TTC8: variants seen among roughly 807,000 people sequenced by gnomAD.
The protein encoded by TTC8 is tetratricopeptide repeat domain 8, also known as tetratricopeptide repeat protein 8.
In TTC8, 47 loss-of-function variants were observed where a neutral mutation model predicts 72.5. That is an observed-to-expected ratio of 0.65 (90% CI 0.51 to 0.83). The LOEUF (loss-of-function observed/expected upper bound fraction) is 0.83, where lower values mean the gene tolerates loss of function less well. TTC8 is among the 40% of genes least tolerant of loss of function. TTC8 has a pLI of 0.00. For synonymous variants in TTC8, 199 were observed against 221.4 expected (o/e 0.90, Z 0.90); for missense variants, 611 against 623.2 (o/e 0.98, Z 0.21).
At chr14:88,825,071 C>T (rs1023508690) in intron 1 of TTC8, among the ~76,000 whole-genome samples, 1 of 152,232 alleles carries the variant, frequency 6.6e-6, no homozygotes, top group Admixed American at 6.5e-5. Context: ...CTCCCCTCCC[C>T]TATACGTGTC....
Position 88,846,647 on chromosome 14 carries a change from T to C in TTC8, c.624+2797T>C, listed in dbSNP as rs773667884. 6 of 1,463,186 alleles carry C rather than the reference T, an allele frequency of 4.1e-6. No homozygotes were observed. Among genetic ancestry groups the C allele is most frequent in the Non-Finnish European group, 5.5e-6 (6 of 1,082,920 alleles). 90.6% of individuals were successfully genotyped at this position (1,463,186 alleles called of 1,614,324 possible). A position where few individuals can be genotyped will look rare whatever the true frequency, so the allele number is the denominator to read the frequency against. ...CATCTTGGAATTTACCCATTCTTAT[T>C]GAGGAATAAAAATCACATTGAAAAA... is the stretch of plus-strand genomic sequence containing the variant. On this transcript the variant is annotated intron_variant, in intron 7 of 14. Transcript: ENST00000380656.
chr14:88,833,780 A>C (rs1298936951), intron 2 of TTC8, 58 bp downstream of exon 2: 3 of 1,517,704 alleles, frequency 2.0e-6, no homozygotes, highest in Non-Finnish European at 2.7e-6. Context: ...GCTATTGCTT[A>C]GTTGTTGCTA....
At position 88,875,095 on chromosome 14, in the gene TTC8, A is replaced by G. The variant is rs376411291; in HGVS notation, c.1417A>G (p.Thr473Ala). 1.0e-4 allele frequency: 169 copies of G among 1,611,764 alleles called. 1 individual carries two copies. The highest frequency in any genetic ancestry group is 6.2e-4 in the Admixed American group (37 of 59,974). The stretch of plus-strand genomic sequence containing the variant: ...GTATGAACCGCATTTTAATTTTGCA[A>G]CAATCTCTGATAAGGTATTCTCTTT... ...HMYEPHFNFA[T>A]ISDKIGDLQR... The change falls in exon 14 of 15, where the codon ACA becomes GCA. Residue 473 changes from threonine (T) to alanine (A), a missense_variant. Physicochemically the swap from Thr to Ala is moderately conservative, Grantham distance 58. Coordinates refer to ENST00000380656, the MANE Select transcript of TTC8 (RefSeq NM_144596.4).
At position 88,877,281 on chromosome 14, in the gene TTC8, G is replaced by GT; in HGVS notation, c.1432-12dup. 6.2e-7 allele frequency: 1 copy of GT among 1,604,816 alleles called. No individual in the cohort carries two copies. The highest frequency in any genetic ancestry group is 8.5e-7 in the Non-Finnish European group (1 of 1,172,278). On this transcript the variant is annotated splice_polypyrimidine_tract_variant and intron_variant, in intron 14 of 14. Coordinates refer to ENST00000380656, the MANE Select transcript of TTC8 (RefSeq NM_144596.4). ...GATCTCATTCCATGGTCTTATTCTT[G>GT]TATTTTTTGCAGATTGGAGATCTGC... is the stretch of plus-strand genomic sequence containing the variant.
chr14:88,855,626 A>G (rs1411977228), intron 8 of TTC8, among the ~76,000 whole-genome samples: 2 of 152,176 alleles, frequency 1.3e-5, no homozygotes, highest in Non-Finnish European at 1.5e-5. Flanking sequence ...TTTTAAAATA[A>G]TCTATTTCTG....
In TTC8 at chr14:88,852,974, T is replaced by G; in HGVS notation, c.628T>G (p.Leu210Val). The change falls in exon 8 of 15, where the codon TTG (leucine) becomes GTG (valine). Residue 210 changes from leucine (L) to valine (V), a missense_variant. Physicochemically the swap from Leu to Val is conservative, Grantham distance 32 (BLOSUM62 1). Coordinates refer to ENST00000380656, the MANE Select transcript of TTC8 (RefSeq NM_144596.4). Reference protein sequence around the residue: ...FHHENDVKTALDLAALSTEHS... With the variant: ...FHHENDVKTAVDLAALSTEHS... Reference sequence around the variant, plus strand: ...CTAAAATGAATTGTTTTCAAAGGCTTTGGATCTGGCTGCCCTCTCCACAGA... The same window carrying G: ...CTAAAATGAATTGTTTTCAAAGGCTGTGGATCTGGCTGCCCTCTCCACAGA... 1.2e-6 allele frequency: 2 copies of G among 1,613,072 alleles called. No individual in the cohort carries two copies. The highest frequency in any genetic ancestry group is 1.7e-6 in the Non-Finnish European group (2 of 1,179,212).
In TTC8 at chr14:88,824,668, C is replaced by A. The variant is rs774178621; in HGVS notation, c.-40C>A. 95 of 1,535,194 alleles carry A rather than the reference C, an allele frequency of 6.2e-5. No homozygotes were observed. Among genetic ancestry groups the A allele is most frequent in the Middle Eastern group, 4.2e-4 (2 of 4,730 alleles). On this transcript the variant is annotated 5_prime_UTR_variant, in exon 1 of 15. Coordinates refer to ENST00000380656, the MANE Select transcript of TTC8 (RefSeq NM_144596.4). ...AGCTCTTCACTCCACGCCCACCTCT[C>A]TCCTGGAGCGCTGGGCCTTCGCTGG...
chr14:88,869,934 G>C, intron 10 of TTC8, 125 bp from the exon 11 acceptor site: 1 of 937,464 alleles, frequency 1.1e-6, no homozygotes, highest in East Asian at 2.6e-5. Flanking sequence ...GTCTAGAATG[G>C]AGTCTGGCAC....
At chr14:88,847,589 G>A (rs940445289) in intron 7 of TTC8, among the ~76,000 whole-genome samples, 1 of 151,730 alleles carries the variant, frequency 6.6e-6, no homozygotes, top group Admixed American at 6.6e-5. Flanking sequence ...ATTTGTCTGG[G>A]GACTTTATTT....
chr14:88,836,375 C>G (rs187737511), intron 2 of TTC8, among the ~76,000 whole-genome samples: 11 of 151,794 alleles, frequency 7.2e-5, no homozygotes, highest in African/African-American at 2.7e-4. Flanking sequence ...CACCTGTAGT[C>G]CTAGCTACTC....
chr14:88,825,221 C>T (rs2094693787), intron 1 of TTC8, among the ~76,000 whole-genome samples: 1 of 152,200 alleles, frequency 6.6e-6, no homozygotes, highest in East Asian at 1.9e-4. Context: ...TGTGACTCTC[C>T]ACCTCCTGTT....
At chr14:88,830,838 T>C (rs1259238571) in intron 1 of TTC8, 18 of 455,906 alleles carry the variant, frequency 3.9e-5, no homozygotes, top group African/African-American at 6.0e-5. Flanking sequence ...AGTTTTCCCC[T>C]ATCTCCTAAT....
intron 7 of TTC8, among the ~76,000 whole-genome samples, chr14:88,848,102 G>A (rs1010157360): frequency 8.8e-5 from 10 of 113,068 alleles, no homozygotes; most frequent in Admixed American, 5.3e-4. Flanking sequence ...CAGCCTGGGC[G>A]ACAAGAGCGA....
intron 9 of TTC8, 65 bp from the exon 10 acceptor site, chr14:88,861,145 AATCAATAATTAT>A: frequency 9.1e-7 from 1 of 1,104,820 alleles, no homozygotes; most frequent in Non-Finnish European, 1.3e-6. Context: ...ATTTGTTACT[AATCAATAATTAT>A]AAATGTCATA....
intron 7 of TTC8, among the ~76,000 whole-genome samples, chr14:88,847,632 T>C (rs964076072): frequency 1.3e-5 from 2 of 152,160 alleles, no homozygotes; most frequent in Non-Finnish European, 2.9e-5. Context: ...GAAAAAAAAT[T>C]GAAACTAGCA....
intron 2 of TTC8, 144 bp from the exon 3 acceptor site, chr14:88,839,308 C>G: frequency 1.3e-6 from 1 of 761,412 alleles, no homozygotes; most frequent in Non-Finnish European, 2.0e-6. Context: ...TTTGACATGG[C>G]CCTTTAAATT....
chr14:88,833,440 TATC>T (rs1047665308), intron 1 of TTC8, among the ~76,000 whole-genome samples: 3 of 152,216 alleles, frequency 2.0e-5, no homozygotes, highest in South Asian at 2.1e-4. Context: ...AACAAGTAGT[TATC>T]ATCTCTTTGC....
At position 88,861,340 on chromosome 14, in the gene TTC8, ATGT is replaced by A; in HGVS notation, c.909+10_909+12del. On this transcript the variant is annotated intron_variant, in intron 10 of 14. Transcript: ENST00000380656. ...ATTGCAAGAATCTATGAGGTAATTCATGTTATTATTATTATTATTTATTGATAC... is the reference window on the plus strand; with the variant it reads ...ATTGCAAGAATCTATGAGGTAATTCATATTATTATTATTATTTATTGATAC... The A allele has an allele frequency of 6.5e-7, 1 of 1,549,168 alleles. No homozygotes were observed. The highest frequency in any genetic ancestry group is 8.9e-7 in the Non-Finnish European group (1 of 1,123,704).
At chr14:88,875,749 G>T (rs1726565974) in intron 14 of TTC8, among the ~76,000 whole-genome samples, 1 of 152,090 alleles carries the variant, frequency 6.6e-6, no homozygotes, top group Non-Finnish European at 1.5e-5. Context: ...TATTTATAAA[G>T]ATGTTATTCT....
Sources: gnomAD v4.1 joint callset for allele counts (sites outside exome capture counted in the v4.1 genomes callset) on GRCh38, gnomAD v4.1.1 for gene constraint, MANE v1.5 for transcripts, NCBI Gene and HGNC (gene_info 2026-07-23, HGNC 2026-07-21) for gene names.